CNTNAP2: variants seen among roughly 807,000 people sequenced by gnomAD.
The protein encoded by CNTNAP2 is contactin associated protein 2, also known as contactin-associated protein-like 2.
A neutral mutation model predicts 155.2 loss-of-function variants in CNTNAP2; 98 were observed. The observed-to-expected ratio is 0.63, with a 90% confidence interval of 0.54 to 0.75. The LOEUF (loss-of-function observed/expected upper bound fraction) is 0.75, where lower values mean the gene tolerates loss of function less well. CNTNAP2 is among the 30% of genes least tolerant of loss of function. The pLI is 0.00. For synonymous variants in CNTNAP2, 651 were observed against 631.2 expected (o/e 1.03, Z -0.47); for missense variants, 1,727 against 1,688.1 (o/e 1.02, Z -0.40).
At chr7:148,344,259 G>C (rs896082512) in intron 21 of CNTNAP2, among the ~76,000 whole-genome samples, 2 of 152,134 alleles carry the variant, frequency 1.3e-5, no homozygotes, top group Non-Finnish European at 2.9e-5. Context: ...TGACTTAGTT[G>C]ATAATATGGA....
chr7:147,833,902 C>T (rs1164724800), intron 13 of CNTNAP2, among the ~76,000 whole-genome samples: 1 of 152,118 alleles, frequency 6.6e-6, no homozygotes, highest in African/African-American at 2.4e-5. Flanking sequence ...GGTACCCCAG[C>T]TGGGGAGCGA....
intron 11 of CNTNAP2, among the ~76,000 whole-genome samples, chr7:147,509,388 T>C (rs1798975161): frequency 6.6e-6 from 1 of 152,200 alleles, no homozygotes; most frequent in Non-Finnish European, 1.5e-5. Flanking sequence ...CAAATGCTTG[T>C]CATATAATGA....
At chr7:148,238,431 C>G (rs1796086092) in intron 20 of CNTNAP2, among the ~76,000 whole-genome samples, 1 of 152,210 alleles carries the variant, frequency 6.6e-6, no homozygotes, top group Non-Finnish European at 1.5e-5. Flanking sequence ...TAACCAGACC[C>G]CGTTTCCCCA....
intron 9 of CNTNAP2, among the ~76,000 whole-genome samples, chr7:147,317,681 A>G (rs952902942): frequency 2.0e-5 from 3 of 152,096 alleles, no homozygotes; most frequent in African/African-American, 7.2e-5. Context: ...TATATATAAT[A>G]GATTATAAAG....
At chr7:147,659,069 T>C (rs1373216355) in intron 13 of CNTNAP2, among the ~76,000 whole-genome samples, 1 of 152,142 alleles carries the variant, frequency 6.6e-6, no homozygotes, top group Non-Finnish European at 1.5e-5. Context: ...TGGCAAAAAG[T>C]TTTTTAACAC....
At chr7:146,701,156 A>G (rs912197246) in intron 1 of CNTNAP2, among the ~76,000 whole-genome samples, 7 of 152,190 alleles carry the variant, frequency 4.6e-5, no homozygotes, top group Admixed American at 6.5e-5. Flanking sequence ...TTGGCGGGAA[A>G]GATATTTTTC....
At chr7:146,132,439 A>T (rs995019051) in intron 1 of CNTNAP2, among the ~76,000 whole-genome samples, 1 of 151,974 alleles carries the variant, frequency 6.6e-6, no homozygotes, top group Non-Finnish European at 1.5e-5. Context: ...TTATACTTTA[A>T]GTTTTAGGGT....
At chr7:146,607,922 T>C (rs1799074472) in intron 1 of CNTNAP2, among the ~76,000 whole-genome samples, 1 of 152,220 alleles carries the variant, frequency 6.6e-6, no homozygotes, top group African/African-American at 2.4e-5. Context: ...TTACCATGCC[T>C]CAGTCCCTTT....
At chr7:146,306,372 G>A (rs533914729) in intron 1 of CNTNAP2, among the ~76,000 whole-genome samples, 1 of 152,262 alleles carries the variant, frequency 6.6e-6, no homozygotes, top group South Asian at 2.1e-4. Flanking sequence ...TAGAAAAAGA[G>A]GGAATCCTCT....
At chr7:146,516,877 T>C (rs1456239539) in intron 1 of CNTNAP2, among the ~76,000 whole-genome samples, 1 of 152,020 alleles carries the variant, frequency 6.6e-6, no homozygotes, top group Admixed American at 6.6e-5. Context: ...GCAAAATCTT[T>C]CTTGCAGTGA....
chr7:146,513,738 A>T (rs1797501273), intron 1 of CNTNAP2, among the ~76,000 whole-genome samples: 1 of 152,020 alleles, frequency 6.6e-6, no homozygotes, highest in Non-Finnish European at 1.5e-5. Context: ...TGACAGTGTT[A>T]GAGTATTCTG....
intron 2 of CNTNAP2, among the ~76,000 whole-genome samples, chr7:146,806,232 C>T (rs1201617705): frequency 6.6e-6 from 1 of 152,054 alleles, no homozygotes; most frequent in East Asian, 1.9e-4. Context: ...TGGCTCATGC[C>T]TGTAATCCCA....
chr7:147,982,281 G>C (rs1801544184), intron 15 of CNTNAP2, among the ~76,000 whole-genome samples: 1 of 145,916 alleles, frequency 6.9e-6, no homozygotes. Flanking sequence ...TTTGGAGCAA[G>C]TTTGTCAGAA....
At chr7:147,511,588 A>C (rs1799022127) in intron 11 of CNTNAP2, among the ~76,000 whole-genome samples, 2 of 151,920 alleles carry the variant, frequency 1.3e-5, no homozygotes, top group Admixed American at 6.6e-5. Flanking sequence ...ATGTTTCTAA[A>C]CTAAGCCCAG....
At chr7:147,635,718 C>A (rs991392106) in intron 12 of CNTNAP2, among the ~76,000 whole-genome samples, 3 of 152,110 alleles carry the variant, frequency 2.0e-5, no homozygotes, top group Admixed American at 1.3e-4. Flanking sequence ...AAGATAGAGA[C>A]TGTAAATGGG....
chr7:147,056,369 T>A (rs1275374608), intron 4 of CNTNAP2, among the ~76,000 whole-genome samples: 1 of 152,016 alleles, frequency 6.6e-6, no homozygotes, highest in African/African-American at 2.4e-5. Flanking sequence ...AATGTTTTAT[T>A]AAGGGAAAAA....
intron 21 of CNTNAP2, among the ~76,000 whole-genome samples, chr7:148,365,253 G>A (rs965746516): frequency 4.6e-5 from 7 of 152,274 alleles, no homozygotes; most frequent in South Asian, 2.1e-4. Flanking sequence ...TTCAGAGCAC[G>A]AGGCTTTCTT....
intron 9 of CNTNAP2, among the ~76,000 whole-genome samples, chr7:147,304,787 A>G (rs1794997695): frequency 6.6e-6 from 1 of 152,190 alleles, no homozygotes; most frequent in African/African-American, 2.4e-5. Flanking sequence ...TTTGGCTGCT[A>G]TAAGAGAATA....
chr7:146,207,574 T>C (rs1798965307), intron 1 of CNTNAP2, among the ~76,000 whole-genome samples: 1 of 151,624 alleles, frequency 6.6e-6, no homozygotes, highest in South Asian at 2.1e-4. Flanking sequence ...ATCATAACAA[T>C]GTGTTAGACA....
Sources: allele counts gnomAD v4.1 joint callset (sites outside exome capture counted in the v4.1 genomes callset), GRCh38; gene constraint gnomAD v4.1.1; transcripts MANE v1.5; gene names NCBI Gene and HGNC (gene_info 2026-07-23, HGNC 2026-07-21).